TMPRSS11D: variants seen among roughly 807,000 people sequenced by gnomAD.
TMPRSS11D encodes the protein transmembrane serine protease 11D, also known as transmembrane protease serine 11D.
A neutral mutation model predicts 44.4 loss-of-function variants in TMPRSS11D; 32 were observed. The observed-to-expected ratio is 0.72, with a 90% CI of 0.54 to 0.97. The LOEUF (loss-of-function observed/expected upper bound fraction) is 0.97, where lower values mean the gene tolerates loss of function less well. Ranked by LOEUF, TMPRSS11D falls within the 50% of genes least tolerant of loss-of-function variation. The probability of loss-of-function intolerance (pLI) is 0.00; values close to 1 mark genes in which losing one functional copy is unlikely to be tolerated. For missense variants in TMPRSS11D, 446 were observed against 502.6 expected, an observed-to-expected ratio of 0.89 and a Z score of 1.08; for synonymous variants, 179 against 177.9, an observed-to-expected ratio of 1.01 and a Z score of -0.05.
chr4:67,859,473 T>C, intron 2 of TMPRSS11D, 84 bp downstream of exon 2: 1 of 1,448,878 alleles, frequency 6.9e-7, no homozygotes, highest in Non-Finnish European at 9.4e-7. Context: ...ATAAAAGCCA[T>C]AGTAAAAGAA....
At chr4:67,851,813 T>A (rs1718517579) in intron 3 of TMPRSS11D, among the ~76,000 whole-genome samples, 1 of 152,218 alleles carries the variant, frequency 6.6e-6, no homozygotes, top group African/African-American at 2.4e-5. Context: ...TCTCATCCTG[T>A]CTTCTAATCC....
In TMPRSS11D at chr4:67,833,284, C is replaced by T; in HGVS notation, c.612G>A (p.Leu204=). Residue 204 remains leucine, a synonymous_variant, in exon 7 of 10, where the codon CTG becomes CTA. Coordinates refer to ENST00000283916, the MANE Select transcript of TMPRSS11D (RefSeq NM_004262.3). ...CACAGTGGTGGGCATTATTGAGCCG[C>T]AGACTGACTTGCCACGGCCAGCTTC... is the stretch of plus-strand genomic sequence containing the variant. The part of the protein sequence containing the change: ...EEGSWPWQVS[L]RLNNAHHCGG... The T allele has an allele frequency of 6.3e-7, 1 of 1,599,686 alleles. No individual in the cohort carries two copies. The highest frequency in any genetic ancestry group is 8.5e-7 in the Non-Finnish European group (1 of 1,173,536).
At chr4:67,838,801 G>A (rs556737955) in intron 4 of TMPRSS11D, among the ~76,000 whole-genome samples, 3 of 152,158 alleles carry the variant, frequency 2.0e-5, no homozygotes, top group Non-Finnish European at 4.4e-5. Flanking sequence ...TGATAGGGTT[G>A]TAAATTTGTG....
chr4:67,848,292 G>A (rs889842878), intron 3 of TMPRSS11D, among the ~76,000 whole-genome samples: 4 of 152,192 alleles, frequency 2.6e-5, no homozygotes, highest in Admixed American at 6.5e-5. Flanking sequence ...AGAAAACCAT[G>A]TAAGTAGAAT....
intron 1 of TMPRSS11D, among the ~76,000 whole-genome samples, chr4:67,879,420 G>A (rs1719268534): frequency 6.9e-6 from 1 of 145,008 alleles, no homozygotes; most frequent in Non-Finnish European, 1.5e-5. Flanking sequence ...GGCAGAGCTT[G>A]CAGATAAGGC....
rs757480895 is a variant in TMPRSS11D, at chr4:67,825,894, G to GA, written c.953-21dup. ...TGTGGCCTGTTTGTTATAAAAGCAGGAAAAAAATGGACTTCAAGATGTGTA... is the reference window on the plus strand; with the variant it reads ...TGTGGCCTGTTTGTTATAAAAGCAGGAAAAAAAATGGACTTCAAGATGTGTA... On this transcript the variant is annotated intron_variant, in intron 8 of 9. Coordinates refer to ENST00000283916, the MANE Select transcript of TMPRSS11D (RefSeq NM_004262.3). 1.0e-5 allele frequency: 16 copies of GA among 1,588,356 alleles called. No individual in the cohort carries two copies. Among genetic ancestry groups the GA allele is most frequent in the African/African-American group, 2.7e-5 (2 of 73,676 alleles).
intron 1 of TMPRSS11D, among the ~76,000 whole-genome samples, chr4:67,883,160 T>C (rs749544039): frequency 6.6e-6 from 1 of 152,082 alleles, no homozygotes; most frequent in African/African-American, 2.4e-5. Context: ...TTGTTCATGC[T>C]TTTGTTGATC....
In TMPRSS11D at chr4:67,821,714, T is replaced by G. The variant is rs1717647687; in HGVS notation, c.*623A>C. On this transcript the variant is annotated 3_prime_UTR_variant, in exon 10 of 10. Transcript: ENST00000283916. Reference sequence around the variant, plus strand: ...GAACTATTTTAGCTTTTGCCTTAAATAGCTGAAAATTATCCACTATTTCCT... The same window carrying G: ...GAACTATTTTAGCTTTTGCCTTAAAGAGCTGAAAATTATCCACTATTTCCT... 6.6e-6 allele frequency: 1 copy of G among 152,158 alleles called. No individual in the cohort carries two copies. Among genetic ancestry groups the G allele is most frequent in the Non-Finnish European group, 1.5e-5 (1 of 68,024 alleles). The allele number at this position is 152,158 out of a possible 1,614,324, so 9.4% of individuals were successfully genotyped here. A position where few individuals can be genotyped will look rare whatever the true frequency, so the allele number is the denominator to read the frequency against.
At position 67,859,574 on chromosome 4, in the gene TMPRSS11D, A is replaced by G; in HGVS notation, c.113T>C (p.Val38Ala). Residue 38 changes from valine (V) to alanine (A), a missense_variant, in exon 2 of 10, where the codon GTT (valine) becomes GCT (alanine). By Grantham distance (64) the Val-to-Ala change is moderately conservative. Transcript: ENST00000283916. Reference protein sequence around the residue: ...VILAVTIALLVYFLAFDQKSY... With the variant: ...VILAVTIALLAYFLAFDQKSY... ...GTACTTACCAAAAGCTAAAAAGTAA[A>G]CAAGTAGAGCTATGGTGACTGCCAG... 1 of 1,613,070 alleles carries G rather than the reference A, an allele frequency of 6.2e-7. No individual in the cohort carries two copies. The highest frequency in any genetic ancestry group is 8.5e-7 in the Non-Finnish European group (1 of 1,179,256).
intron 1 of TMPRSS11D, among the ~76,000 whole-genome samples, chr4:67,873,118 A>G (rs546826988): frequency 1.3e-5 from 2 of 152,330 alleles, no homozygotes; most frequent in East Asian, 3.9e-4. Flanking sequence ...CAAGATGCCA[A>G]ATGACAAAAA....
chr4:67,837,831 CATTA>C (rs992011231), intron 5 of TMPRSS11D, among the ~76,000 whole-genome samples: 2 of 152,056 alleles, frequency 1.3e-5, no homozygotes, highest in African/African-American at 4.8e-5. Flanking sequence ...TGAGGTGGAT[CATTA>C]ATTAAATAGT....
intron 1 of TMPRSS11D, among the ~76,000 whole-genome samples, chr4:67,866,486 T>C (rs1718929424): frequency 6.6e-6 from 1 of 151,822 alleles, no homozygotes; most frequent in African/African-American, 2.4e-5. Context: ...TTATGTGAAG[T>C]CGTAAAGAGC....
intron 3 of TMPRSS11D, among the ~76,000 whole-genome samples, 185 bp downstream of exon 3, chr4:67,853,883 A>T (rs1191508496): frequency 7.9e-5 from 12 of 152,244 alleles, no homozygotes; most frequent in Non-Finnish European, 1.5e-4. Flanking sequence ...CATGACAAAG[A>T]TGTGAATAAG....
chr4:67,877,980 C>T (rs896987712), intron 1 of TMPRSS11D, among the ~76,000 whole-genome samples: 3 of 152,162 alleles, frequency 2.0e-5, no homozygotes, highest in African/African-American at 7.2e-5. Flanking sequence ...GCACATTCTG[C>T]ACATGTACCC....
At chr4:67,834,848 G>A (rs1315567747) in intron 6 of TMPRSS11D, among the ~76,000 whole-genome samples, 1 of 152,112 alleles carries the variant, frequency 6.6e-6, no homozygotes, top group Admixed American at 6.6e-5. Flanking sequence ...TGAGTGCAGA[G>A]TGGGTAGTCC....
At chr4:67,864,301 T>C (rs1391076878) in intron 1 of TMPRSS11D, among the ~76,000 whole-genome samples, 2 of 152,024 alleles carry the variant, frequency 1.3e-5, no homozygotes, top group African/African-American at 4.8e-5. Context: ...TCCATTGAGG[T>C]ACTTTTGGAG....
rs530661715 is a variant in TMPRSS11D at position 67,827,238 on chromosome 4, AT to A, written c.952+22del. The stretch of plus-strand genomic sequence containing the variant: ...CAAATATAAGACATTTCTATTGTTA[AT>A]TTTTTTTTCCGAGACACTTACCAGC... On this transcript the variant is annotated intron_variant, in intron 8 of 9. Transcript: ENST00000283916. The A allele has an allele frequency of 3.3e-4, 518 of 1,559,052 alleles. 9 individuals carry two copies. In the South Asian group the frequency reaches 5.2e-3, roughly 16 times the overall value.
At chr4:67,834,645 T>G (rs1718030344) in intron 6 of TMPRSS11D, among the ~76,000 whole-genome samples, 1 of 152,178 alleles carries the variant, frequency 6.6e-6, no homozygotes, top group African/African-American at 2.4e-5. Context: ...CTGGGAAGAC[T>G]TCTGACAATT....
intron 3 of TMPRSS11D, among the ~76,000 whole-genome samples, chr4:67,851,264 A>G (rs1032452925): frequency 2.0e-5 from 3 of 152,210 alleles, no homozygotes; most frequent in Non-Finnish European, 2.9e-5. Flanking sequence ...GAGAAGTGGC[A>G]TCAATAAATC....
Sources: gnomAD v4.1 joint callset for allele counts (sites outside exome capture counted in the v4.1 genomes callset) on GRCh38, gnomAD v4.1.1 for gene constraint, MANE v1.5 for transcripts, NCBI Gene and HGNC (gene_info 2026-07-23, HGNC 2026-07-21) for gene names.